TMEM132D: variants seen among roughly 807,000 people sequenced by gnomAD.
TMEM132D encodes mature OL transmembrane protein.
Under a neutral mutation model 62.3 loss-of-function variants are expected in TMEM132D, and 21 were observed. That is an observed-to-expected ratio of 0.34 (90% confidence interval 0.24 to 0.49). The LOEUF is 0.49. TMEM132D is among the 20% of genes least tolerant of loss of function. The probability of loss-of-function intolerance (pLI) is 0.99; values close to 1 mark genes in which losing one functional copy is unlikely to be tolerated. For synonymous variants in TMEM132D, 621 were observed against 575.6 expected, an observed-to-expected ratio of 1.08 and a Z score of -1.13; for missense variants, 1,346 against 1,402.8, an observed-to-expected ratio of 0.96 and a Z score of 0.65.
chr12:129,273,834 A>C (rs1253143791), intron 4 of TMEM132D, among the ~76,000 whole-genome samples: 1 of 151,528 alleles, frequency 6.6e-6, no homozygotes, highest in Non-Finnish European at 1.5e-5. Flanking sequence ...GATGGGATCG[A>C]TTGTACCCCA....
intron 2 of TMEM132D, among the ~76,000 whole-genome samples, chr12:129,641,213 G>A (rs1879633028): frequency 6.6e-6 from 1 of 152,176 alleles, no homozygotes; most frequent in Non-Finnish European, 1.5e-5. Context: ...GGGGTCTGTT[G>A]CTATGTAAGG....
intron 3 of TMEM132D, among the ~76,000 whole-genome samples, chr12:129,447,495 C>T (rs557071431): frequency 5.3e-5 from 8 of 152,190 alleles, no homozygotes; most frequent in Admixed American, 2.0e-4. Flanking sequence ...CCGAGGGCTC[C>T]GCATCTGGAC....
chr12:129,218,510 T>C (rs1048920047), intron 4 of TMEM132D, among the ~76,000 whole-genome samples: 3 of 151,876 alleles, frequency 2.0e-5, no homozygotes, highest in African/African-American at 7.2e-5. Flanking sequence ...TGGTAAGTAT[T>C]TGTGTATCTC....
At chr12:129,312,203 A>C (rs558861818) in intron 4 of TMEM132D, among the ~76,000 whole-genome samples, 3 of 152,220 alleles carry the variant, frequency 2.0e-5, no homozygotes, top group Non-Finnish European at 4.4e-5. Flanking sequence ...GAGACAAAGC[A>C]GACAGCTGCG....
rs370251021 is a variant in TMEM132D, at chr12:129,367,223, T to C, written c.1116-29406A>G. The stretch of plus-strand genomic sequence containing the variant: ...TGTATAGAATAAAGTGCTTATTGTT[T>C]GTGGGATTTATTTACTTATTTATTT... On this transcript the variant is annotated intron_variant, in intron 3 of 8. Transcript: ENST00000422113. Among the ~76,000 whole-genome samples, 14 of 152,172 alleles carry C rather than the reference T, an allele frequency of 9.2e-5. No homozygotes were observed. In the East Asian group the frequency reaches 2.3e-3, roughly 25 times the overall value.
At chr12:129,220,270 A>G (rs1254840957) in intron 4 of TMEM132D, among the ~76,000 whole-genome samples, 1 of 152,126 alleles carries the variant, frequency 6.6e-6, no homozygotes, top group African/African-American at 2.4e-5. Flanking sequence ...CAAATCAGAC[A>G]GATGGTTCTA....
At chr12:129,154,533 T>C (rs1877174532) in intron 5 of TMEM132D, among the ~76,000 whole-genome samples, 1 of 152,166 alleles carries the variant, frequency 6.6e-6, no homozygotes. Context: ...TAATGAGTGT[T>C]TGGCGATTGA....
intron 2 of TMEM132D, among the ~76,000 whole-genome samples, chr12:129,569,163 G>A (rs990188227): frequency 2.2e-4 from 33 of 152,152 alleles, no homozygotes; most frequent in African/African-American, 4.3e-4. Context: ...AGTAGGTAAC[G>A]GGAAGAACAG....
chr12:129,106,533 T>A (rs937574304), intron 5 of TMEM132D, among the ~76,000 whole-genome samples: 1 of 152,192 alleles, frequency 6.6e-6, no homozygotes. Context: ...TGTCTCTTGA[T>A]TATACTCTGA....
chr12:129,316,957 G>T (rs903849050), intron 4 of TMEM132D, among the ~76,000 whole-genome samples: 2 of 152,112 alleles, frequency 1.3e-5, no homozygotes, highest in Admixed American at 1.3e-4. Context: ...TCTGTTATAA[G>T]AGTAGCTACT....
At chr12:129,798,013 G>A (rs1871616585) in intron 1 of TMEM132D, among the ~76,000 whole-genome samples, 1 of 152,142 alleles carries the variant, frequency 6.6e-6, no homozygotes, top group African/African-American at 2.4e-5. Flanking sequence ...TCAAAATAGT[G>A]AATGATTTCT....
chr12:129,880,436 A>G (rs1239833190), intron 1 of TMEM132D, among the ~76,000 whole-genome samples: 1 of 152,182 alleles, frequency 6.6e-6, no homozygotes. Flanking sequence ...AAACTTCCGG[A>G]TGTGATTAAA....
At position 129,209,651 on chromosome 12, in the gene TMEM132D, G is replaced by C. The variant is rs761457751; in HGVS notation, c.1312C>G (p.Leu438Val). 6.2e-7 allele frequency: 1 copy of C among 1,614,166 alleles called. No homozygotes were observed. Among genetic ancestry groups the C allele is most frequent in the East Asian group, 2.2e-5 (1 of 44,872 alleles). The part of the protein sequence containing the change: ...VVPLAMEAEI[L>V]NTAILTGKTV... ...TTCCCCGTGAGGATGGCTGTGTTCA[G>C]GATTTCTGCCTCCTGGAAGACCAAA... Residue 438 changes from leucine (L) to valine (V), a missense_variant, in exon 5 of 9, where the codon CTG (leucine) becomes GTG (valine). Transcript: ENST00000422113.
At chr12:129,744,770 A>C (rs1869722336) in intron 1 of TMEM132D, among the ~76,000 whole-genome samples, 1 of 152,190 alleles carries the variant, frequency 6.6e-6, no homozygotes, top group Admixed American at 6.5e-5. Context: ...CCTCAACTGG[A>C]GATTCATAAA....
At position 129,345,911 on chromosome 12, in the gene TMEM132D, C is replaced by T. The variant is rs575642187; in HGVS notation, c.1116-8094G>A. ...GCCTGAAATTTTCTTTTTTTTATTG[C>T]GTCTCTGCCAGGTTTTGGTATCAGG... On this transcript the variant is annotated intron_variant, in intron 3 of 8. Coordinates refer to ENST00000422113, the MANE Select transcript of TMEM132D (RefSeq NM_133448.3). Among the ~76,000 whole-genome samples, 226 of 152,000 alleles carry T rather than the reference C, an allele frequency of 1.5e-3. 1 individual carries two copies. Among genetic ancestry groups the T allele is most frequent in the African/African-American group, 5.1e-3 (213 of 41,468 alleles).
At chr12:129,401,452 C>T (rs2135700400) in intron 3 of TMEM132D, among the ~76,000 whole-genome samples, 1 of 152,142 alleles carries the variant, frequency 6.6e-6, no homozygotes, top group Middle Eastern at 3.4e-3. Flanking sequence ...GCCTGTAGTC[C>T]CAGCTACTTG....
chr12:129,237,839 G>T (rs1470925952), intron 4 of TMEM132D, among the ~76,000 whole-genome samples: 1 of 152,116 alleles, frequency 6.6e-6, no homozygotes, highest in Non-Finnish European at 1.5e-5. Context: ...AATTAGCTGG[G>T]CACGGTGGCA....
intron 1 of TMEM132D, among the ~76,000 whole-genome samples, chr12:129,802,868 A>G (rs1871844658): frequency 6.6e-6 from 1 of 151,746 alleles, no homozygotes; most frequent in Admixed American, 6.6e-5. Context: ...TGGAAAACAA[A>G]AAAAGGCAAG....
At chr12:129,331,629 T>C (rs1593339980) in intron 4 of TMEM132D, among the ~76,000 whole-genome samples, 1 of 152,128 alleles carries the variant, frequency 6.6e-6, no homozygotes, top group Non-Finnish European at 1.5e-5. Flanking sequence ...AAGTATAATA[T>C]CCAAACAGCC....
Sources: allele counts gnomAD v4.1 joint callset (sites outside exome capture counted in the v4.1 genomes callset), GRCh38; gene constraint gnomAD v4.1.1; transcripts MANE v1.5; gene names NCBI Gene and HGNC (gene_info 2026-07-23, HGNC 2026-07-21).